The following CSMD1 variants were observed in gnomAD, a reference collection of about 807,000 sequenced individuals.
CSMD1 encodes the protein CUB and sushi domain-containing protein 1.
A neutral mutation model predicts 417.5 loss-of-function variants in CSMD1; 213 were observed. That is an observed-to-expected ratio of 0.51 (90% confidence interval 0.46 to 0.57). The LOEUF is 0.57. Among genes scored for constraint, CSMD1 ranks in the 20% least tolerant of loss-of-function variants. The pLI is 0.00. For synonymous variants in CSMD1, 2,862 were observed against 1,736.8 expected (o/e 1.65, Z -16.11); for missense variants, 6,923 against 4,529.7 (o/e 1.53, Z -15.17).
At chr8:3,172,540 G>A (rs1010850882) in intron 37 of CSMD1, among the ~76,000 whole-genome samples, 1 of 152,164 alleles carries the variant, frequency 6.6e-6, no homozygotes, top group East Asian at 1.9e-4. Context: ...AGACCACATT[G>A]ATCTTGTTGT....
intron 18 of CSMD1, among the ~76,000 whole-genome samples, chr8:3,371,661 A>C (rs1361664130): frequency 6.6e-6 from 1 of 152,206 alleles, no homozygotes; most frequent in Non-Finnish European, 1.5e-5. Context: ...CAAAAGAATT[A>C]GATAATCTAT....
chr8:2,965,827 A>C lies in CSMD1; in HGVS notation c.9228T>G (p.Thr3076=). The change falls in exon 59 of 70, where the codon ACT becomes ACG. Residue 3076 remains threonine, a synonymous_variant. Coordinates refer to ENST00000635120, the MANE Select transcript of CSMD1 (RefSeq NM_033225.6). ...ACCTGCCGTCTTTGGTACAGCGAATAGTGGCGGATGTGACTGCTTCCATGA... is the reference window on the plus strand; with the variant it reads ...ACCTGCCGTCTTTGGTACAGCGAATCGTGGCGGATGTGACTGCTTCCATGA... ...GYVMEAVTSA[T]IRCTKDGRWN... The C allele has an allele frequency of 6.2e-7, 1 of 1,609,302 alleles. No homozygotes were observed.
At chr8:4,789,326 G>C (rs1476392193) in intron 1 of CSMD1, among the ~76,000 whole-genome samples, 1 of 152,286 alleles carries the variant, frequency 6.6e-6, no homozygotes, top group South Asian at 2.1e-4. Flanking sequence ...TTTAAAAGCA[G>C]TCAACTATAG....
intron 3 of CSMD1, among the ~76,000 whole-genome samples, chr8:4,277,095 C>A (rs929160745): frequency 6.6e-6 from 1 of 152,056 alleles, no homozygotes; most frequent in Non-Finnish European, 1.5e-5. Flanking sequence ...TTGCATGTAA[C>A]TTTTCTGCCA....
intron 5 of CSMD1, among the ~76,000 whole-genome samples, chr8:3,960,017 A>C (rs922977131): frequency 4.6e-5 from 7 of 152,214 alleles, no homozygotes; most frequent in African/African-American, 1.7e-4. Flanking sequence ...AGCTATTTCA[A>C]GCCTTTGCAA....
At chr8:2,966,817 C>T in intron 57 of CSMD1, 71 bp from the exon 58 acceptor site, 2 of 1,406,948 alleles carry the variant, frequency 1.4e-6, no homozygotes, top group Admixed American at 3.8e-5. Flanking sequence ...CACAAGAGAC[C>T]AATGGGTATC....
chr8:4,853,019 A>G (rs1418521458), intron 1 of CSMD1, among the ~76,000 whole-genome samples: 2 of 152,200 alleles, frequency 1.3e-5, no homozygotes, highest in Non-Finnish European at 2.9e-5. Context: ...ACATTAAATG[A>G]CTTAAAGTTG....
At chr8:4,595,387 C>CTTTTTTTTTTTTTTTTT in intron 2 of CSMD1, among the ~76,000 whole-genome samples, 6 of 147,422 alleles carry the variant, frequency 4.1e-5, no homozygotes, top group Non-Finnish European at 6.0e-5. Context: ...CATTCATTTT[C>CTTTTTTTTTTTTTTTTT]ATTCCATCCA....
chr8:3,450,515 T>C (rs1333684653), intron 12 of CSMD1, among the ~76,000 whole-genome samples: 2 of 149,900 alleles, frequency 1.3e-5, no homozygotes, highest in Non-Finnish European at 3.0e-5. Flanking sequence ...CCTGTGTCCA[T>C]GTGTTCTCAT....
chr8:4,077,748 A>G (rs908647752), intron 3 of CSMD1, among the ~76,000 whole-genome samples: 2 of 152,176 alleles, frequency 1.3e-5, no homozygotes, highest in Non-Finnish European at 2.9e-5. Flanking sequence ...CTCTTGTCCC[A>G]ATGCTATTGC....
chr8:4,454,092 G>A (rs1799325653), intron 2 of CSMD1, among the ~76,000 whole-genome samples: 1 of 152,080 alleles, frequency 6.6e-6, no homozygotes, highest in African/African-American at 2.4e-5. Context: ...TAAGTGCTGG[G>A]ATTACAGGCG....
chr8:3,886,159 C>T (rs1585140682), intron 5 of CSMD1, among the ~76,000 whole-genome samples: 1 of 152,102 alleles, frequency 6.6e-6, no homozygotes, highest in Non-Finnish European at 1.5e-5. Flanking sequence ...CAAGCAATCT[C>T]CTACCTCAGC....
chr8:4,516,061 G>C (rs895204089), intron 2 of CSMD1, among the ~76,000 whole-genome samples: 1 of 152,100 alleles, frequency 6.6e-6, no homozygotes, highest in East Asian at 1.9e-4. Context: ...CTGCTATGTT[G>C]AAATCTCAAC....
At chr8:4,168,876 G>C (rs1427250559) in intron 3 of CSMD1, among the ~76,000 whole-genome samples, 1 of 152,088 alleles carries the variant, frequency 6.6e-6, no homozygotes, top group Admixed American at 6.5e-5. Flanking sequence ...CACGGTGACT[G>C]ATGATATCAG....
rs955090835 is a variant in CSMD1 at position 4,144,950 on chromosome 8, T to A, written c.416-112851A>T. ...AAGCAGAGACCCCAGAAATCATTTC[T>A]AACTTGAAAACAGAAGGGAGGATAG... On this transcript the variant is annotated intron_variant, in intron 3 of 69. Coordinates refer to ENST00000635120, the MANE Select transcript of CSMD1 (RefSeq NM_033225.6). Among the ~76,000 whole-genome samples the A allele has an allele frequency of 1.3e-5, 2 of 151,102 alleles. 1 individual carries two copies. Among genetic ancestry groups the A allele is most frequent in the African/African-American group, 4.9e-5 (2 of 40,426 alleles).
chr8:4,933,828 G>C (rs1807417121), intron 1 of CSMD1, among the ~76,000 whole-genome samples: 1 of 152,048 alleles, frequency 6.6e-6, no homozygotes, highest in Non-Finnish European at 1.5e-5. Flanking sequence ...CATTTATTTT[G>C]ATTAAAAATT....
intron 3 of CSMD1, among the ~76,000 whole-genome samples, chr8:4,189,999 C>G (rs1169905411): frequency 5.9e-5 from 9 of 151,746 alleles, no homozygotes; most frequent in African/African-American, 1.9e-4. Flanking sequence ...TGGCTCACGC[C>G]TGAAATCCCA....
intron 3 of CSMD1, among the ~76,000 whole-genome samples, chr8:4,094,646 T>A (rs973768674): frequency 5.3e-5 from 8 of 152,088 alleles, no homozygotes; most frequent in Non-Finnish European, 1.5e-5. Context: ...GACACACATG[T>A]GGAAGTAGCG....
At chr8:3,286,014 C>T (rs1803126831) in intron 25 of CSMD1, among the ~76,000 whole-genome samples, 1 of 152,060 alleles carries the variant, frequency 6.6e-6, no homozygotes, top group African/African-American at 2.4e-5. Flanking sequence ...GTGTGATGTT[C>T]CCCTTCCTGT....
Sources: gnomAD v4.1 joint callset for allele counts (sites outside exome capture counted in the v4.1 genomes callset) on GRCh38, gnomAD v4.1.1 for gene constraint, MANE v1.5 for transcripts, NCBI Gene and HGNC (gene_info 2026-07-23, HGNC 2026-07-21) for gene names.